Variants in TRPM2 observed in about 807,000 individuals in gnomAD.
TRPM2 encodes the protein transient receptor potential cation channel subfamily M member 2.
Under a neutral mutation model 174.0 loss-of-function variants are expected in TRPM2, and 161 were observed. The observed-to-expected ratio is 0.93, with a 90% CI of 0.81 to 1.05. The LOEUF is 1.05. TRPM2 is among the 50% of genes least tolerant of loss of function. The pLI, the probability that TRPM2 is intolerant of heterozygous loss-of-function variation, is 0.00. For synonymous variants in TRPM2, 954 were observed against 861.3 expected, an observed-to-expected ratio of 1.11 and a Z score of -1.88; for missense variants, 2,057 against 2,038.0, an observed-to-expected ratio of 1.01 and a Z score of -0.18.
chr21:44,382,159 A>G (rs2048900907), intron 8 of TRPM2, among the ~76,000 whole-genome samples: 1 of 152,172 alleles, frequency 6.6e-6, no homozygotes, highest in Non-Finnish European at 1.5e-5. Context: ...ACATGGATAG[A>G]TGGATAGGTA....
chr21:44,435,348 G>A, intron 28 of TRPM2, 131 bp downstream of exon 28: 1 of 889,166 alleles, frequency 1.1e-6, no homozygotes, highest in South Asian at 1.7e-5. Flanking sequence ...GGTGCCTACT[G>A]GGGGGATGCG....
intron 13 of TRPM2, among the ~76,000 whole-genome samples, chr21:44,398,112 T>C (rs2049490820): frequency 6.6e-6 from 1 of 152,128 alleles, no homozygotes; most frequent in Admixed American, 6.5e-5. Context: ...ACAGCGAGAT[T>C]GCAATAGAGA....
rs200639309 is a variant in TRPM2, at chr21:44,404,158, TACAC to T, written c.2539-982_2539-979del. ...ATATGAACACACACATACAGACACA[TACAC>T]ATATATACACATGCACACACAAAAA... On this transcript the variant is annotated intron_variant, in intron 16 of 31. Coordinates refer to ENST00000397928, the MANE Select transcript of TRPM2 (RefSeq NM_003307.4). 4.2e-4 allele frequency among the ~76,000 whole-genome samples: 63 copies of T among 148,272 alleles called. No individual in the cohort carries two copies. In the East Asian group the frequency reaches 0.012, roughly 28 times the overall value.
chr21:44,428,382 TCCCTGAGGTGTGGCTCCTC>T (rs1415574971), intron 27 of TRPM2, among the ~76,000 whole-genome samples: 40 of 150,442 alleles, frequency 2.7e-4, no homozygotes, highest in Non-Finnish European at 5.0e-4. Context: ...GTGTGGCTCC[TCCCTGAGGTGTGGCTCCTC>T]CCCTTAGGTG....
At chr21:44,421,634 G>A (rs1479053257) in intron 22 of TRPM2, among the ~76,000 whole-genome samples, 2 of 152,096 alleles carry the variant, frequency 1.3e-5, no homozygotes, top group Non-Finnish European at 2.9e-5. Flanking sequence ...CAATTAGCCA[G>A]GCACGGTGGC....
At chr21:44,387,719 CA>C (rs2049052823) in intron 9 of TRPM2, among the ~76,000 whole-genome samples, 1 of 151,708 alleles carries the variant, frequency 6.6e-6, no homozygotes, top group Admixed American at 6.6e-5. Context: ...AAACACAATT[CA>C]AAAATGGGCA....
upstream of TRPM2, among the ~76,000 whole-genome samples, chr21:44,351,435 G>C (rs2047924743): frequency 6.6e-6 from 1 of 152,238 alleles, no homozygotes; most frequent in Admixed American, 6.5e-5. Context: ...CACCCACATG[G>C]GGCCTTGCCT....
Position 44,391,578 on chromosome 21 carries a change from A to G in TRPM2, c.1747A>G (p.Asn583Asp), listed in dbSNP as rs772654899. 28 of 1,591,424 alleles carry G rather than the reference A, an allele frequency of 1.8e-5. No homozygotes were observed. The Admixed American group carries it at 4.6e-4, about 26-fold the overall frequency. Residue 583 changes from asparagine (N) to aspartate (D), a missense_variant, in exon 11 of 32, where the codon AAC (asparagine) becomes GAC (aspartate). Transcript: ENST00000397928. The surrounding 1 kb of genome is among the most constrained non-coding windows in gnomAD (Gnocchi z 5.0). ...GCCGCTTTATCCCCGGCCCCGGCAC[A>G]ACGACCGGCTGCGGCTCCTGCTGCC... The part of the protein sequence containing the change: ...TQPLYPRPRH[N>D]DRLRLLLPVP...
intron 19 of TRPM2, 42 bp downstream of exon 19, chr21:44,406,807 G>A: frequency 4.5e-6 from 7 of 1,563,274 alleles, no homozygotes; most frequent in Non-Finnish European, 1.7e-6. Flanking sequence ...GTGCTGCCGG[G>A]AAGCAGGAGA....
rs2048690330 is a variant in TRPM2 at position 44,376,062 on chromosome 21, T to TG, written c.952+51dup. On this transcript the variant is annotated intron_variant, in intron 6 of 31. Transcript: ENST00000397928. This position sits in a 1 kb window ranked among gnomAD's most constrained non-coding sequence, Gnocchi z 4.2. The stretch of plus-strand genomic sequence containing the variant: ...TGATTGGGCAGAGAGCACAGTGGGC[T>TG]GGTCAGAGTGTCAGGTACAGCTGGT... The TG allele has an allele frequency of 6.3e-6, 10 of 1,587,048 alleles. No individual in the cohort carries two copies. The highest frequency in any genetic ancestry group is 7.7e-6 in the Non-Finnish European group (9 of 1,162,916).
Position 44,403,062 on chromosome 21 carries a change from C to T in TRPM2, c.2538+1165C>T, listed in dbSNP as rs191249714. On this transcript the variant is annotated intron_variant, in intron 16 of 31. Coordinates refer to ENST00000397928, the MANE Select transcript of TRPM2 (RefSeq NM_003307.4). ...TGGGAGCTGTGCTGTGGCCCTGGCT[C>T]TGCTGGGCTCTCCTTGGCTCTCCTC... is the stretch of plus-strand genomic sequence containing the variant. 2.0e-3 allele frequency among the ~76,000 whole-genome samples: 309 copies of T among 152,274 alleles called. 1 individual carries two copies. Among genetic ancestry groups the T allele is most frequent in the African/African-American group, 7.2e-3 (299 of 41,550 alleles).
At chr21:44,423,595 C>T (rs2146368321) in intron 22 of TRPM2, 50 bp from the exon 23 acceptor site, 1 of 1,539,106 alleles carries the variant, frequency 6.5e-7, no homozygotes, top group South Asian at 1.2e-5. Flanking sequence ...GTGGCGTTCC[C>T]AGGGCCCCAA....
intron 19 of TRPM2, among the ~76,000 whole-genome samples, chr21:44,409,022 G>A (rs909249476): frequency 2.6e-5 from 4 of 152,012 alleles, no homozygotes; most frequent in East Asian, 1.9e-4. Context: ...TTATTGAGTC[G>A]TAAGAGTTCT....
At chr21:44,386,532 A>T (rs1011568648) in intron 9 of TRPM2, among the ~76,000 whole-genome samples, 2 of 152,226 alleles carry the variant, frequency 1.3e-5, no homozygotes, top group East Asian at 3.8e-4. Context: ...GAATTAATTA[A>T]ACCAAGGGGG....
chr21:44,396,892 CTGTGGAGGGG>C (rs1478631398), intron 12 of TRPM2, among the ~76,000 whole-genome samples: 7 of 11,896 alleles, frequency 5.9e-4, no homozygotes, highest in East Asian at 1.8e-3. Context: ...GTGTGGAGGG[CTGTGGAGGGG>C]TGTGGAGGGG....
chr21:44,397,718 A>G (rs779312677), intron 12 of TRPM2, 29 bp from the exon 13 acceptor site: 10 of 1,530,902 alleles, frequency 6.5e-6, no homozygotes, highest in Non-Finnish European at 7.9e-6. Context: ...CTGGCTCTTT[A>G]GTCTCACGGT....
intron 8 of TRPM2, among the ~76,000 whole-genome samples, 189 bp from the exon 9 acceptor site, chr21:44,382,529 G>T (rs2048911867): frequency 6.6e-6 from 1 of 152,134 alleles, no homozygotes; most frequent in Non-Finnish European, 1.5e-5. Context: ...TCACGAACAT[G>T]ATGTATTTGG....
At chr21:44,418,621 A>G (rs549256041) in intron 22 of TRPM2, 66 bp downstream of exon 22, 226 of 1,591,070 alleles carry the variant, frequency 1.4e-4, no homozygotes, top group Non-Finnish European at 1.9e-4. Context: ...GTCCACAGGC[A>G]CCATGAGTAC....
intron 2 of TRPM2, among the ~76,000 whole-genome samples, chr21:44,362,556 T>C (rs1232281341): frequency 6.6e-6 from 1 of 151,940 alleles, no homozygotes; most frequent in South Asian, 2.1e-4. Context: ...TCAGATAGTG[T>C]TATAATTTTT....
Sources: allele counts gnomAD v4.1 joint callset (sites outside exome capture counted in the v4.1 genomes callset), GRCh38; gene constraint gnomAD v4.1.1; non-coding constraint Gnocchi (gnomAD v3.1); transcripts MANE v1.5; gene names NCBI Gene and HGNC (gene_info 2026-07-23, HGNC 2026-07-21).